The following CCSER1 variants were observed in gnomAD, a reference collection of about 807,000 sequenced individuals.
CCSER1 encodes the protein serine-rich coiled-coil domain-containing protein 1.
CCSER1 carries 41 observed loss-of-function variants against 82.0 expected under a neutral mutation model. The ratio of observed to expected loss-of-function variants is 0.50; its 90% CI spans 0.39 to 0.65. The LOEUF (loss-of-function observed/expected upper bound fraction) is 0.65, where lower values mean the gene tolerates loss of function less well. CCSER1 is among the 30% of genes least tolerant of loss of function. The pLI is 0.00. For missense variants in CCSER1, 1,119 were observed against 1,064.2 expected, an observed-to-expected ratio of 1.05 and a Z score of -0.72; for synonymous variants, 414 against 383.9, an observed-to-expected ratio of 1.08 and a Z score of -0.92.
intron 1 of CCSER1, among the ~76,000 whole-genome samples, chr4:90,276,854 T>C (rs1456183154): frequency 6.6e-6 from 1 of 152,168 alleles, no homozygotes; most frequent in African/African-American, 2.4e-5. Flanking sequence ...GTTTTTTTTG[T>C]ATGTGGCTAT....
intron 10 of CCSER1, among the ~76,000 whole-genome samples, chr4:91,140,022 A>T (rs1728877047): frequency 6.6e-6 from 1 of 152,146 alleles, no homozygotes; most frequent in African/African-American, 2.4e-5. Flanking sequence ...TTCTTATTAA[A>T]TAGTTCTTTT....
At position 90,323,930 on chromosome 4, in the gene CCSER1, T is replaced by C. The variant is rs1579181240; in HGVS notation, c.1509+10883T>C. Among the ~76,000 whole-genome samples, 3 of 152,282 alleles carry C rather than the reference T, an allele frequency of 2.0e-5. No individual in the cohort carries two copies. The East Asian group carries it at 5.8e-4, about 29-fold the overall frequency. On this transcript the variant is annotated intron_variant, in intron 3 of 10. Transcript: ENST00000509176. The stretch of plus-strand genomic sequence containing the variant: ...TGAGAATATGCGGTATTTGGTTTTT[T>C]GTTCTTGCGATAGTTTACTGAGAAT...
intron 10 of CCSER1, among the ~76,000 whole-genome samples, chr4:91,289,327 A>G (rs1578125394): frequency 6.6e-6 from 1 of 152,082 alleles, no homozygotes; most frequent in East Asian, 1.9e-4. Context: ...GGGCATTCAG[A>G]GAAGCAAGAG....
intron 10 of CCSER1, among the ~76,000 whole-genome samples, chr4:91,595,544 T>C (rs1764525292): frequency 1.3e-5 from 2 of 152,104 alleles, no homozygotes; most frequent in Admixed American, 1.3e-4. Context: ...ATTGTTGTGA[T>C]TAAGGTAACT....
chr4:91,469,017 TGTTA>T (rs1367623805), intron 10 of CCSER1, among the ~76,000 whole-genome samples: 1 of 152,136 alleles, frequency 6.6e-6, no homozygotes, highest in African/African-American at 2.4e-5. Flanking sequence ...CAAAATAGTT[TGTTA>T]GTTTATTAGA....
At chr4:90,234,382 A>G (rs1413311460) in intron 1 of CCSER1, among the ~76,000 whole-genome samples, 1 of 151,970 alleles carries the variant, frequency 6.6e-6, no homozygotes, top group Non-Finnish European at 1.5e-5. Flanking sequence ...ACGCCCAGCT[A>G]ATTTTTGTAT....
intron 10 of CCSER1, among the ~76,000 whole-genome samples, chr4:91,321,619 A>G (rs1746200510): frequency 6.6e-6 from 1 of 152,046 alleles, no homozygotes; most frequent in African/African-American, 2.4e-5. Flanking sequence ...TCTTTTTATT[A>G]GGAAATAGAT....
chr4:91,579,417 C>T (rs1047009747), intron 10 of CCSER1, among the ~76,000 whole-genome samples: 3 of 151,642 alleles, frequency 2.0e-5, no homozygotes, highest in African/African-American at 7.3e-5. Context: ...AAGAATGACT[C>T]TCTCCCTTAG....
chr4:91,277,194 A>C (rs1742535377), intron 10 of CCSER1, among the ~76,000 whole-genome samples: 1 of 151,982 alleles, frequency 6.6e-6, no homozygotes, highest in East Asian at 1.9e-4. Context: ...CCTTCTTGTA[A>C]ATATTTTTGA....
intron 10 of CCSER1, among the ~76,000 whole-genome samples, chr4:91,233,866 A>G (rs923049597): frequency 6.6e-6 from 1 of 151,942 alleles, no homozygotes; most frequent in Non-Finnish European, 1.5e-5. Context: ...AAAAAATATA[A>G]GTCTTCAACA....
At chr4:91,531,295 A>G (rs938043274) in intron 10 of CCSER1, among the ~76,000 whole-genome samples, 2 of 152,228 alleles carry the variant, frequency 1.3e-5, no homozygotes, top group African/African-American at 4.8e-5. Context: ...TATTCATCAT[A>G]TAAAATGTTA....
At chr4:91,402,571 A>T (rs1038600703) in intron 10 of CCSER1, among the ~76,000 whole-genome samples, 3 of 152,184 alleles carry the variant, frequency 2.0e-5, no homozygotes, top group Non-Finnish European at 4.4e-5. Context: ...TAATTTTTGT[A>T]TAAGGTGTAA....
chr4:91,134,918 G>C (rs1051798264), intron 10 of CCSER1, among the ~76,000 whole-genome samples: 4 of 151,958 alleles, frequency 2.6e-5, no homozygotes, highest in African/African-American at 9.7e-5. Flanking sequence ...AAATTAGCTG[G>C]ATGTGGTGGC....
intron 5 of CCSER1, among the ~76,000 whole-genome samples, chr4:90,551,706 C>CTCTATATATATATATATATATA: frequency 8.6e-5 from 9 of 104,218 alleles, no homozygotes; most frequent in Non-Finnish European, 1.2e-4. Context: ...CTCTCTCTCT[C>CTCTATATATATATATATATATA]TATATATATA....
chr4:91,277,437 C>A (rs1447106090), intron 10 of CCSER1, among the ~76,000 whole-genome samples: 1 of 150,794 alleles, frequency 6.6e-6, no homozygotes, highest in African/African-American at 2.4e-5. Context: ...TGGTATTTAT[C>A]CATTTTGTTT....
intron 3 of CCSER1, among the ~76,000 whole-genome samples, chr4:90,347,707 A>G (rs1251831975): frequency 3.3e-5 from 5 of 152,188 alleles, no homozygotes; most frequent in Admixed American, 6.6e-5. Context: ...CAACCTCACC[A>G]GAGAAACTGG....
chr4:91,158,909 T>C (rs1731096675), intron 10 of CCSER1, among the ~76,000 whole-genome samples: 1 of 152,100 alleles, frequency 6.6e-6, no homozygotes, highest in African/African-American at 2.4e-5. Flanking sequence ...GCTTGCTATC[T>C]CAAAAACATC....
At chr4:90,622,481 A>G (rs567915105) in intron 5 of CCSER1, among the ~76,000 whole-genome samples, 1 of 151,994 alleles carries the variant, frequency 6.6e-6, no homozygotes, top group African/African-American at 2.4e-5. Flanking sequence ...AAGTGTTCTC[A>G]TTATTCAATT....
intron 10 of CCSER1, among the ~76,000 whole-genome samples, chr4:91,514,810 C>T (rs1363870660): frequency 6.6e-6 from 1 of 152,080 alleles, no homozygotes; most frequent in African/African-American, 2.4e-5. Context: ...AGCAGGCTCA[C>T]AATACAGGAC....
Sources: allele counts gnomAD v4.1 joint callset (sites outside exome capture counted in the v4.1 genomes callset), GRCh38; gene constraint gnomAD v4.1.1; transcripts MANE v1.5; gene names NCBI Gene and HGNC (gene_info 2026-07-23, HGNC 2026-07-21).